Variants in PTOV1 observed in about 807,000 individuals in gnomAD.
The protein encoded by PTOV1 is PTOV1 extended AT-hook containing adaptor protein.
In PTOV1, 20 loss-of-function variants were observed where a neutral mutation model predicts 58.0. The ratio of observed to expected loss-of-function variants is 0.34; its 90% CI spans 0.24 to 0.50. The LOEUF is 0.50. Ranked by LOEUF, PTOV1 falls within the 20% of genes least tolerant of loss-of-function variation. The pLI is 0.98. For synonymous variants in PTOV1, 335 were observed against 234.2 expected (o/e 1.43, Z -3.93); for missense variants, 593 against 565.4 (o/e 1.05, Z -0.50).
upstream of PTOV1, chr19:49,850,732 T>C: frequency 2.1e-6 from 2 of 940,462 alleles, no homozygotes; most frequent in South Asian, 3.6e-5. Flanking sequence ...ACTGCAAACC[T>C]TCAGCTGTCT....
chr19:49,860,503 C>T (rs889886160), exon 12 of PTOV1: 1 of 676,580 alleles, frequency 1.5e-6, no homozygotes, highest in East Asian at 2.7e-5. Flanking sequence ...GCCTCAGGGC[C>T]ATGGGAGGTG....
chr19:49,860,481 A>G, exon 12 of PTOV1: 1 of 785,094 alleles, frequency 1.3e-6, no homozygotes, highest in Non-Finnish European at 2.0e-6. Flanking sequence ...GCTGTCGGGA[A>G]ACTGCAGCCC....
At chr19:49,858,315 C>A in intron 9 of PTOV1, 1 of 769,468 alleles carries the variant, frequency 1.3e-6, no homozygotes, top group Non-Finnish European at 2.1e-6. Flanking sequence ...TGTGCAGGGA[C>A]TGAGCGGGGC....
In PTOV1 at chr19:49,857,673, A is replaced by G. The variant is rs750006151; in HGVS notation, c.715-20A>G. On this transcript the variant is annotated intron_variant, in intron 6 of 11. Coordinates refer to ENST00000391842, the Ensembl canonical transcript of PTOV1. ...CCCAGGAGCCTGGGCCCCTCTTCCC[A>G]CCCCGTTCCCTTCCAACAGGCAGTG... The G allele has an allele frequency of 6.2e-7, 1 of 1,610,944 alleles. No individual in the cohort carries two copies. The highest frequency in any genetic ancestry group is 1.1e-5 in the South Asian group (1 of 90,574).
chr19:49,858,707 G>A (rs1340243821), intron 10 of PTOV1, 54 bp downstream of exon 10: 7 of 1,444,246 alleles, frequency 4.8e-6, no homozygotes, highest in East Asian at 5.0e-5. Flanking sequence ...GAGCGAGCCC[G>A]GACCGCTCAC....
exon 11 of PTOV1, chr19:49,860,152 G>A (rs771781769): frequency 6.2e-6 from 10 of 1,614,056 alleles, no homozygotes; most frequent in Non-Finnish European, 8.5e-6. Context: ...GTCCTGCAGC[G>A]GAACCTGGAG....
intron 10 of PTOV1, among the ~76,000 whole-genome samples, chr19:49,859,572 CAAAA>C (rs113785990): frequency 5.5e-5 from 7 of 127,720 alleles, no homozygotes; most frequent in South Asian, 2.4e-4. Flanking sequence ...AACTCAGTCT[CAAAA>C]AAAAAAAAAA....
chr19:49,858,201 G>A, intron 9 of PTOV1, 87 bp downstream of exon 9: 1 of 1,482,818 alleles, frequency 6.7e-7, no homozygotes, highest in Non-Finnish European at 9.1e-7. Context: ...TCCCCAGGTG[G>A]CCTGAGCTGG....
intron 1 of PTOV1, chr19:49,852,520 A>T (rs945637157): frequency 6.6e-6 from 1 of 152,200 alleles, no homozygotes; most frequent in Non-Finnish European, 1.5e-5. Flanking sequence ...GCAGTTTTGC[A>T]CACGATTGCC....
chr19:49,858,976 G>A (rs567417177), intron 10 of PTOV1: 2 of 247,192 alleles, frequency 8.1e-6, no homozygotes, highest in African/African-American at 2.2e-5. Flanking sequence ...ACATCCCAAA[G>A]GCCCATTGCT....
rs1002621749 is a variant in PTOV1, at chr19:49,855,120, C to T, written c.558+43C>T. 4.0e-6 allele frequency: 6 copies of T among 1,498,570 alleles called. No individual in the cohort carries two copies. The African/African-American group carries it at 5.6e-5, about 14-fold the overall frequency. The allele number at this position is 1,498,570 out of a possible 1,614,324, so 92.8% of individuals were successfully genotyped here. ...CCTTGTAGCACTGTGGTGACAAGTA[C>T]AGCTGGAGGCAGCGCTCTGCTCACA... On this transcript the variant is annotated intron_variant, in intron 5 of 11. Coordinates refer to ENST00000391842, the Ensembl canonical transcript of PTOV1.
intron 5 of PTOV1, chr19:49,856,564 G>C (rs1234240867): frequency 4.7e-6 from 1 of 214,248 alleles, no homozygotes; most frequent in Non-Finnish European, 9.5e-6. Flanking sequence ...TTTTACAGAT[G>C]ATGGAGGCCC....
In PTOV1 at chr19:49,858,264, C is replaced by G. The variant is rs188503719; in HGVS notation, c.936+150C>G. On this transcript the variant is annotated intron_variant, in intron 9 of 11. Transcript: ENST00000391842. ...GAAGCAGGTGTGGTGGGTAGCTCCT[C>G]AGGCTTGGCTTCAAGGGGTCCCAGG... 5.2e-4 allele frequency: 556 copies of G among 1,076,600 alleles called. 2 individuals are homozygous for G. The highest frequency in any genetic ancestry group is 5.0e-5 in the Non-Finnish European group (38 of 758,018). The allele number at this position is 1,076,600 out of a possible 1,614,324, so 66.7% of individuals were successfully genotyped here. A position where few individuals can be genotyped will look rare whatever the true frequency, so the allele number is the denominator to read the frequency against.
chr19:49,858,349 G>C, intron 9 of PTOV1, 200 bp from the exon 10 acceptor site: 1 of 686,506 alleles, frequency 1.5e-6, no homozygotes, highest in Non-Finnish European at 2.4e-6. Flanking sequence ...ACCTGCACCT[G>C]GGGGGCTGCC....
At chr19:49,858,845 TG>T in intron 10 of PTOV1, 192 bp downstream of exon 10, 1 of 557,870 alleles carries the variant, frequency 1.8e-6, no homozygotes, top group South Asian at 2.4e-5. Context: ...GCACTGACCC[TG>T]GTTCTGCGGG....
chr19:49,858,188 G>A (rs969674495), intron 9 of PTOV1, 74 bp downstream of exon 9: 20 of 1,535,910 alleles, frequency 1.3e-5, no homozygotes, highest in East Asian at 1.2e-4. Context: ...GGGCAAGAGC[G>A]CCTCCCCAGG....
exon 4 of PTOV1, chr19:49,854,838 G>C (rs773234830): frequency 1.2e-6 from 2 of 1,613,308 alleles, no homozygotes; most frequent in South Asian, 1.1e-5. Flanking sequence ...TAGGGAGACC[G>C]ACCAGTGGCC....
At chr19:49,860,044 T>C (rs762966390) in exon 11 of PTOV1, 2 of 1,614,102 alleles carry the variant, frequency 1.2e-6, no homozygotes, top group African/African-American at 1.3e-5. Context: ...CTTATGCTCC[T>C]GTACTCTTCA....
exon 12 of PTOV1, chr19:49,860,606 GC>G: frequency 2.0e-6 from 1 of 512,674 alleles, no homozygotes; most frequent in Non-Finnish European, 3.4e-6. Flanking sequence ...CTGCACCCCT[GC>G]CCCCAGGTGA....
Sources: gnomAD v4.1 joint callset for allele counts (sites outside exome capture counted in the v4.1 genomes callset) on GRCh38, gnomAD v4.1.1 for gene constraint, MANE v1.5 for transcripts, NCBI Gene and HGNC (gene_info 2026-07-23, HGNC 2026-07-21) for gene names.